The following TRPM8 variants were observed in gnomAD, a reference collection of about 807,000 sequenced individuals.
TRPM8 encodes the protein transient receptor potential cation channel subfamily M member 8.
Under a neutral mutation model 133.7 loss-of-function variants are expected in TRPM8, and 110 were observed. The ratio of observed to expected loss-of-function variants is 0.82; its 90% CI spans 0.70 to 0.96. TRPM8 has a LOEUF of 0.96. Ranked by LOEUF, TRPM8 falls within the 40% of genes least tolerant of loss-of-function variation. The pLI is 0.00. For synonymous variants in TRPM8, 535 were observed against 532.3 expected, an observed-to-expected ratio of 1.01 and a Z score of -0.07; for missense variants, 1,291 against 1,379.5, an observed-to-expected ratio of 0.94 and a Z score of 1.02.
intron 3 of TRPM8, 168 bp from the exon 4 acceptor site, chr2:233,937,185 C>T (rs531355103): frequency 7.0e-5 from 55 of 785,948 alleles, no homozygotes; most frequent in South Asian, 4.7e-4. Flanking sequence ...CGTGAGCCAC[C>T]GCACCCGTCC....
At chr2:233,974,568 C>T (rs1574747669) in intron 17 of TRPM8, among the ~76,000 whole-genome samples, 2 of 152,248 alleles carry the variant, frequency 1.3e-5, no homozygotes, top group East Asian at 3.9e-4. Context: ...AAATTTTTAA[C>T]CTTGGAGGGC....
rs1692124938 is a variant in TRPM8, at chr2:233,985,606, A to AT, written c.2762-81dup. Reference sequence around the variant, plus strand: ...CCTAAGACATTTCATGACCACTGACATGTTCTTGTGGCCCTGGGAATGCCA... The same window carrying AT: ...CCTAAGACATTTCATGACCACTGACATTGTTCTTGTGGCCCTGGGAATGCCA... On this transcript the variant is annotated intron_variant, in intron 20 of 25. Transcript: ENST00000324695. 3.7e-6 allele frequency: 5 copies of AT among 1,347,440 alleles called. No individual in the cohort carries two copies. The Admixed American group carries it at 8.8e-5, about 24-fold the overall frequency. 83.5% of individuals were successfully genotyped at this position (1,347,440 alleles called of 1,614,324 possible). A position where few individuals can be genotyped will look rare whatever the true frequency, so the allele number is the denominator to read the frequency against.
chr2:234,017,364 C>T lies in TRPM8; in HGVS notation c.*108C>T, dbSNP rs28902237. ...TACTAAATGAGAGATTTTCAGACCC[C>T]TGGGTACATGGTGGATGATTTTAAA... On this transcript the variant is annotated 3_prime_UTR_variant, in exon 26 of 26. Transcript: ENST00000324695. The T allele has an allele frequency of 0.031, 14,442 of 471,158 alleles. 663 individuals carry two copies. Among genetic ancestry groups the T allele is most frequent in the Admixed American group, 0.12 (5,292 of 42,532 alleles). The allele number at this position is 471,158 out of a possible 1,614,324, so 29.2% of individuals were successfully genotyped here. A position where few individuals can be genotyped will look rare whatever the true frequency, so the allele number is the denominator to read the frequency against.
At chr2:233,961,357 G>C (rs1013710574) in intron 12 of TRPM8, among the ~76,000 whole-genome samples, 1 of 152,170 alleles carries the variant, frequency 6.6e-6, no homozygotes, top group African/African-American at 2.4e-5. Context: ...CAAGGCTAGA[G>C]TGCAGTGGCC....
chr2:233,961,601 G>A (rs917694895), intron 12 of TRPM8, among the ~76,000 whole-genome samples: 2 of 149,266 alleles, frequency 1.3e-5, no homozygotes, highest in Non-Finnish European at 3.0e-5. Context: ...ACCGTGCCCG[G>A]CCTCTTTTTT....
In TRPM8 at chr2:233,983,081, T is replaced by TCTTTGCA; in HGVS notation, c.2624_2625insACTTTGC (p.Val876LeufsTer17). The TCTTTGCA allele has an allele frequency of 6.2e-7, 1 of 1,614,078 alleles. No individual in the cohort carries two copies. The highest frequency in any genetic ancestry group is 8.5e-7 in the Non-Finnish European group (1 of 1,179,956). The stretch of plus-strand genomic sequence containing the variant: ...ATCGATGTGTTCTTCTTCCTGTTCC[T>TCTTTGCA]CTTTGCGGTGTGGATGGTGGCCTTT... On this transcript the variant is annotated frameshift_variant, in exon 20 of 26. Transcript: ENST00000324695. LOFTEE classifies it high-confidence loss of function.
chr2:233,959,948 T>G (rs549543750), intron 11 of TRPM8, among the ~76,000 whole-genome samples: 80 of 144,024 alleles, frequency 5.6e-4, no homozygotes, highest in African/African-American at 2.3e-3. Flanking sequence ...CACCTAATTT[T>G]TTTTTTTTTT....
rs756516028 is a variant in TRPM8, at chr2:233,964,727, C to G, written c.1849C>G (p.Leu617Val). Residue 617 changes from leucine to valine, a missense_variant, in exon 14 of 26, where the codon CTG (leucine) becomes GTG (valine). Transcript: ENST00000324695. Reference protein sequence around the residue: ...DINAAGESEELANEYETRAVE... With the variant: ...DINAAGESEEVANEYETRAVE... ...CAATGCTGCTGGGGAGTCCGAGGAGCTGGCTAATGAGTACGAGACCCGGGC... is the reference window on the plus strand; with the variant it reads ...CAATGCTGCTGGGGAGTCCGAGGAGGTGGCTAATGAGTACGAGACCCGGGC... 6.2e-7 allele frequency: 1 copy of G among 1,612,958 alleles called. No homozygotes were observed. Among genetic ancestry groups the G allele is most frequent in the Non-Finnish European group, 8.5e-7 (1 of 1,179,206 alleles).
Position 233,942,911 on chromosome 2 carries a change from G to A in TRPM8, c.699+163G>A, listed in dbSNP as rs1369263155. 3 of 718,340 alleles carry A rather than the reference G, an allele frequency of 4.2e-6. No individual in the cohort carries two copies. In the East Asian group the frequency reaches 7.9e-5, roughly 19 times the overall value. 44.5% of individuals were successfully genotyped at this position (718,340 alleles called of 1,614,324 possible). A position where few individuals can be genotyped will look rare whatever the true frequency, so the allele number is the denominator to read the frequency against. On this transcript the variant is annotated intron_variant, in intron 6 of 25. Transcript: ENST00000324695. ...GGACCTTAAAGGAATTGAAAACAAGGATGACGTACCTAATTAACTGCTGGG... is the reference window on the plus strand; with the variant it reads ...GGACCTTAAAGGAATTGAAAACAAGAATGACGTACCTAATTAACTGCTGGG...
At chr2:233,974,519 A>T (rs1691816924) in intron 17 of TRPM8, among the ~76,000 whole-genome samples, 1 of 152,214 alleles carries the variant, frequency 6.6e-6, no homozygotes, top group Non-Finnish European at 1.5e-5. Context: ...GGTGTGAGCC[A>T]CTGCGCTCGG....
intron 21 of TRPM8, among the ~76,000 whole-genome samples, chr2:233,991,332 C>T (rs912617709): frequency 1.3e-5 from 2 of 152,198 alleles, no homozygotes; most frequent in East Asian, 1.9e-4. Flanking sequence ...GTGATCCAAT[C>T]GCTTGTCATC....
intron 17 of TRPM8, among the ~76,000 whole-genome samples, chr2:233,978,198 AGT>A (rs59259744): frequency 0.013 from 1,960 of 146,076 alleles, 17 homozygotes; most frequent in East Asian, 0.032. Flanking sequence ...GGAATATTAT[AGT>A]GTGTGTGTGT....
At chr2:233,970,018 G>A (rs1422479236) in intron 16 of TRPM8, 192 bp from the exon 17 acceptor site, 7 of 677,828 alleles carry the variant, frequency 1.0e-5, no homozygotes, top group Admixed American at 2.6e-5. Flanking sequence ...AATATCTGGG[G>A]CAGAATGTGG....
chr2:233,938,837 G>T (rs993886269), intron 4 of TRPM8, among the ~76,000 whole-genome samples, 161 bp from the exon 5 acceptor site: 2 of 152,150 alleles, frequency 1.3e-5, no homozygotes, highest in Admixed American at 1.3e-4. Flanking sequence ...GCCTTGGCAC[G>T]GCGCCCGCCT....
At chr2:233,972,926 G>A (rs923224961) in intron 17 of TRPM8, among the ~76,000 whole-genome samples, 12 of 152,222 alleles carry the variant, frequency 7.9e-5, no homozygotes, top group Non-Finnish European at 8.8e-5. Flanking sequence ...ACAGTGCAGC[G>A]GTGGGCTGAA....
At position 233,950,059 on chromosome 2, in the gene TRPM8, T is replaced by A. The variant is rs1441077898; in HGVS notation, c.1053T>A (p.Ser351=). 4.3e-6 allele frequency: 7 copies of A among 1,614,016 alleles called. No homozygotes were observed. Among genetic ancestry groups the A allele is most frequent in the Middle Eastern group, 1.7e-4 (1 of 6,016 alleles). Residue 351 remains serine, a synonymous_variant, in exon 9 of 26, where the codon TCT becomes TCA. Coordinates refer to ENST00000324695, the MANE Select transcript of TRPM8 (RefSeq NM_024080.5). ...TGGAGGTGGAGGATGCCCTGACATC[T>A]TCTGCCGTCAAGGAGAAGCTGGTGC... ...SLVEVEDALT[S]SAVKEKLVRF...
At position 234,017,282 on chromosome 2, in the gene TRPM8, T is replaced by G. The variant is rs561624227; in HGVS notation, c.*43-17T>G. On this transcript the variant is annotated splice_polypyrimidine_tract_variant and intron_variant, in intron 25 of 25. Transcript: ENST00000324695. ...GAAATCTATTCTTAACACAGTGTTC[T>G]TTCTTTGTTTTTACAGATCATATTA... 1 of 470,668 alleles carries G rather than the reference T, an allele frequency of 2.1e-6. No individual in the cohort carries two copies. The highest frequency in any genetic ancestry group is 2.0e-5 in the African/African-American group (1 of 50,208). The allele number at this position is 470,668 out of a possible 1,614,324, so 29.2% of individuals were successfully genotyped here. A position where few individuals can be genotyped will look rare whatever the true frequency, so the allele number is the denominator to read the frequency against.
intron 12 of TRPM8, among the ~76,000 whole-genome samples, chr2:233,961,889 C>G (rs1031695664): frequency 5.9e-5 from 9 of 151,892 alleles, no homozygotes; most frequent in Non-Finnish European, 1.3e-4. Flanking sequence ...CTCGGCCTCC[C>G]AAGTGTTGGG....
intron 17 of TRPM8, among the ~76,000 whole-genome samples, chr2:233,974,371 C>T (rs1199723796): frequency 2.0e-5 from 3 of 152,056 alleles, no homozygotes; most frequent in East Asian, 1.9e-4. Flanking sequence ...GTATCTGGGA[C>T]TACAGGCACG....
Sources: allele counts gnomAD v4.1 joint callset (sites outside exome capture counted in the v4.1 genomes callset), GRCh38; gene constraint gnomAD v4.1.1; transcripts MANE v1.5; gene names NCBI Gene and HGNC (gene_info 2026-07-23, HGNC 2026-07-21).